Variants in GNAQ observed in about 807,000 individuals in gnomAD.
GNAQ encodes the protein G protein subunit alpha q.
Under a neutral mutation model 43.9 loss-of-function variants are expected in GNAQ, and 8 were observed. The ratio of observed to expected loss-of-function variants is 0.18; its 90% confidence interval spans 0.11 to 0.33. The LOEUF is 0.33. Among genes scored for constraint, GNAQ ranks in the 10% least tolerant of loss-of-function variants. The pLI is 1.00. For missense variants in GNAQ, 158 were observed against 450.8 expected, an observed-to-expected ratio of 0.35 and a Z score of 5.88; for synonymous variants, 155 against 170.7, an observed-to-expected ratio of 0.91 and a Z score of 0.71.
At chr9:77,861,930 G>A (rs1291834354) in intron 2 of GNAQ, among the ~76,000 whole-genome samples, 1 of 151,076 alleles carries the variant, frequency 6.6e-6, no homozygotes, top group Non-Finnish European at 1.5e-5. Context: ...GCTTGAACCT[G>A]GGAGGCGGAG....
At chr9:77,984,818 AT>A (rs1295364151) in intron 1 of GNAQ, among the ~76,000 whole-genome samples, 3 of 152,164 alleles carry the variant, frequency 2.0e-5, no homozygotes, top group Non-Finnish European at 4.4e-5. Context: ...TTCACTTATT[AT>A]AACTGACAAA....
In GNAQ at chr9:77,916,294, CTA is replaced by C. The variant is rs1253140359; in HGVS notation, c.321+5865_321+5866del. Among the ~76,000 whole-genome samples, 7 of 152,106 alleles carry C rather than the reference CTA, an allele frequency of 4.6e-5. 1 individual carries two copies. Among genetic ancestry groups the C allele is most frequent in the Non-Finnish European group, 1.0e-4 (7 of 68,020 alleles). ...GAATATGTATTTATTAATTCTGCCT[CTA>C]TTATGTATTTATTATCTAGGTGGGA... On this transcript the variant is annotated intron_variant, in intron 2 of 6. Coordinates refer to ENST00000286548, the MANE Select transcript of GNAQ (RefSeq NM_002072.5).
In GNAQ at chr9:77,868,245, C is replaced by T. The variant is rs74904404; in HGVS notation, c.322-52475G>A. Among the ~76,000 whole-genome samples the T allele has an allele frequency of 1.9e-3, 286 of 152,266 alleles. 2 individuals carry two copies. The highest frequency in any genetic ancestry group is 6.5e-3 in the African/African-American group (268 of 41,536). On this transcript the variant is annotated intron_variant, in intron 2 of 6. Coordinates refer to ENST00000286548, the MANE Select transcript of GNAQ (RefSeq NM_002072.5). ...TTACACTTTTCAAAATAACCTACTC[C>T]ATCCAATACAAACATTCTTGGTGTT...
chr9:77,798,086 G>A (rs1826685416), intron 3 of GNAQ, among the ~76,000 whole-genome samples: 1 of 152,016 alleles, frequency 6.6e-6, no homozygotes, highest in African/African-American at 2.4e-5. Context: ...GAACATCAGA[G>A]TCTTCCTGGA....
chr9:77,750,600 T>C (rs927197635), intron 5 of GNAQ, among the ~76,000 whole-genome samples: 6 of 152,172 alleles, frequency 3.9e-5, no homozygotes, highest in African/African-American at 1.4e-4. Flanking sequence ...TATGCTTACA[T>C]ATTTTTTGTT....
intron 1 of GNAQ, among the ~76,000 whole-genome samples, chr9:78,006,253 C>A (rs1823704894): frequency 6.6e-6 from 1 of 152,070 alleles, no homozygotes; most frequent in South Asian, 2.1e-4. Context: ...TAAAACAAAT[C>A]CATTATGTGT....
intron 5 of GNAQ, among the ~76,000 whole-genome samples, chr9:77,782,356 C>T (rs1826407820): frequency 6.6e-6 from 1 of 152,140 alleles, no homozygotes; most frequent in Admixed American, 6.5e-5. Flanking sequence ...GTTCACTTCA[C>T]TAAAGTAGAT....
At chr9:77,931,001 G>T (rs1017383179) in intron 1 of GNAQ, among the ~76,000 whole-genome samples, 1 of 151,882 alleles carries the variant, frequency 6.6e-6, no homozygotes, top group African/African-American at 2.4e-5. Context: ...CATGTTCCTT[G>T]TAAGAATTTA....
Position 77,839,159 on chromosome 9 carries a change from T to C in GNAQ, c.322-23389A>G, listed in dbSNP as rs548797577. Among the ~76,000 whole-genome samples, 13 of 152,278 alleles carry C rather than the reference T, an allele frequency of 8.5e-5. No homozygotes were observed. The South Asian group carries it at 2.7e-3, about 32-fold the overall frequency. On this transcript the variant is annotated intron_variant, in intron 2 of 6. Transcript: ENST00000286548. ...CCAGGCCTCGTGGTGAACAGCAATA[T>C]GTTGTTAGCTGCTACAGCAGCTGGT...
chr9:77,997,037 A>T (rs1466782630), intron 1 of GNAQ, among the ~76,000 whole-genome samples: 1 of 152,234 alleles, frequency 6.6e-6, no homozygotes, highest in Non-Finnish European at 1.5e-5. Context: ...ACTGTGATTT[A>T]TCTCCCATTT....
intron 2 of GNAQ, among the ~76,000 whole-genome samples, chr9:77,912,429 A>T (rs931366392): frequency 1.3e-5 from 2 of 152,222 alleles, no homozygotes; most frequent in Non-Finnish European, 2.9e-5. Context: ...CTGAATGTAA[A>T]ATGTAAAACA....
chr9:77,952,473 A>G (rs976261324), intron 1 of GNAQ, among the ~76,000 whole-genome samples: 2 of 152,212 alleles, frequency 1.3e-5, no homozygotes, highest in African/African-American at 4.8e-5. Flanking sequence ...AAAAAAGTAA[A>G]TAAGTATGTT....
chr9:77,938,900 T>C (rs1358608250), intron 1 of GNAQ, among the ~76,000 whole-genome samples: 1 of 152,200 alleles, frequency 6.6e-6, no homozygotes, highest in East Asian at 1.9e-4. Context: ...ATCATCTGGA[T>C]ACTGGTTGAT....
chr9:77,826,344 G>C (rs1827196836), intron 2 of GNAQ, among the ~76,000 whole-genome samples: 1 of 152,146 alleles, frequency 6.6e-6, no homozygotes, highest in Non-Finnish European at 1.5e-5. Flanking sequence ...TGATAAGGAA[G>C]CTTGTGAACT....
At chr9:77,806,429 C>A (rs540368389) in intron 3 of GNAQ, among the ~76,000 whole-genome samples, 1 of 152,266 alleles carries the variant, frequency 6.6e-6, no homozygotes, top group Non-Finnish European at 1.5e-5. Context: ...GCACAGAGAA[C>A]TGGCACAATA....
intron 2 of GNAQ, among the ~76,000 whole-genome samples, chr9:77,883,859 C>G (rs1474730341): frequency 1.3e-5 from 2 of 152,152 alleles, no homozygotes; most frequent in Non-Finnish European, 2.9e-5. Flanking sequence ...TCATTGCCCA[C>G]CAAAGTAGTT....
chr9:77,766,063 G>C (rs1826132112), intron 5 of GNAQ, among the ~76,000 whole-genome samples: 1 of 152,178 alleles, frequency 6.6e-6, no homozygotes, highest in Admixed American at 6.5e-5. Context: ...TGGTGGTTGT[G>C]GGGGATGGAC....
At chr9:77,960,443 C>T (rs1373422891) in intron 1 of GNAQ, among the ~76,000 whole-genome samples, 1 of 152,114 alleles carries the variant, frequency 6.6e-6, no homozygotes, top group Non-Finnish European at 1.5e-5. Context: ...AGGGATTGCC[C>T]TTAGTTGCCC....
rs559130943 is a variant in GNAQ, at chr9:77,979,076, G to A, written c.136+52024C>T. On this transcript the variant is annotated intron_variant, in intron 1 of 6. Coordinates refer to ENST00000286548, the MANE Select transcript of GNAQ (RefSeq NM_002072.5). Reference sequence around the variant, plus strand: ...TCTCAGAAAAATAAAATAAAAATTCGGCTGGGTGGTGGCTCATGCCTGTAA... The same window carrying A: ...TCTCAGAAAAATAAAATAAAAATTCAGCTGGGTGGTGGCTCATGCCTGTAA... Among the ~76,000 whole-genome samples the A allele has an allele frequency of 4.6e-5, 7 of 151,764 alleles. No individual in the cohort carries two copies. In the South Asian group the frequency reaches 8.4e-4, roughly 18 times the overall value.
Sources: gnomAD v4.1 joint callset for allele counts (sites outside exome capture counted in the v4.1 genomes callset) on GRCh38, gnomAD v4.1.1 for gene constraint, MANE v1.5 for transcripts, NCBI Gene and HGNC (gene_info 2026-07-23, HGNC 2026-07-21) for gene names.